The following NPAS1 variants were observed in gnomAD, a reference collection of about 807,000 sequenced individuals.
The protein encoded by NPAS1 is neuronal PAS domain protein 1.
In NPAS1, 29 loss-of-function variants were observed where a neutral mutation model predicts 49.2. The observed-to-expected ratio is 0.59, with a 90% CI of 0.44 to 0.80. The LOEUF (loss-of-function observed/expected upper bound fraction) is 0.80. Among genes scored for constraint, NPAS1 ranks in the 30% least tolerant of loss-of-function variants. The pLI is 0.00. For missense variants in NPAS1, 825 were observed against 835.5 expected (o/e 0.99, Z 0.15); for synonymous variants, 408 against 380.4 (o/e 1.07, Z -0.84).
Position 47,042,846 on chromosome 19 carries a change from C to A in NPAS1, c.1254C>A (p.Phe418Leu). 10 of 1,606,498 alleles carry A rather than the reference C, an allele frequency of 6.2e-6. No homozygotes were observed. Among genetic ancestry groups the A allele is most frequent in the Non-Finnish European group, 8.5e-6 (10 of 1,176,694 alleles). ...AEGGQTPLDA[F>L]QLPASVACEE... ...GTGGCCAAACTCCTTTGGATGCCTT[C>A]CAGCTTCCAGCCAGCGTGGCCTGTG... Residue 418 changes from phenylalanine to leucine, a missense_variant, in exon 11 of 12, where the codon TTC (phenylalanine) becomes TTA (leucine). Transcript: ENST00000602212.
At position 47,021,618 on chromosome 19, in the gene NPAS1, G is replaced by T. The variant is rs779706839; in HGVS notation, c.129G>T (p.Gln43His). Residue 43 changes from glutamine (Q) to histidine (H), a missense_variant, in exon 3 of 12, where the codon CAG becomes CAT. Physicochemically the swap from Gln to His is conservative, Grantham distance 24 (BLOSUM62 0). Coordinates refer to ENST00000602212, the MANE Select transcript of NPAS1 (RefSeq NM_002517.4). This position sits in a 1 kb window ranked among gnomAD's most constrained non-coding sequence, Gnocchi z 5.7. ...MVKAPSGPCLQAQRKEKSRNA... is the reference protein window; with the variant it reads ...MVKAPSGPCLHAQRKEKSRNA... ...CTCCGCGCCGCCCGCCCAGCCTGCA[G>T]GCGCAGCGCAAGGAGAAGTCCCGGA... is the stretch of plus-strand genomic sequence containing the variant. 2 of 1,508,518 alleles carry T rather than the reference G, an allele frequency of 1.3e-6. No individual in the cohort carries two copies. Among genetic ancestry groups the T allele is most frequent in the Admixed American group, 2.1e-5 (1 of 48,160 alleles). 93.4% of individuals were successfully genotyped at this position (1,508,518 alleles called of 1,614,324 possible). A position where few individuals can be genotyped will look rare whatever the true frequency, so the allele number is the denominator to read the frequency against.
chr19:47,039,597 G>A (rs752521604), intron 8 of NPAS1, 33 bp downstream of exon 8: 1 of 1,533,072 alleles, frequency 6.5e-7, no homozygotes, highest in Non-Finnish European at 8.8e-7. Context: ...CGGGTGGATT[G>A]GGGGCACAAT....
At chr19:47,039,611 G>A (rs753813657) in intron 8 of NPAS1, 47 bp downstream of exon 8, 2 of 1,520,854 alleles carry the variant, frequency 1.3e-6, no homozygotes, top group East Asian at 4.6e-5. Flanking sequence ...GCACAATGGA[G>A]ATCTGGGGGT....
At position 47,045,543 on chromosome 19, in the gene NPAS1, C is replaced by T. The variant is rs770575932; in HGVS notation, c.1665C>T (p.His555=). The part of the protein sequence containing the change: ...GPAELGLVYP[H]LQRLGPGPAL... ...CGGAGCTGGGCCTGGTGTACCCGCA[C>T]CTGCAGAGGCTGGGTCCGGGCCCCG... The change falls in exon 12 of 12, where the codon CAC becomes CAT. Residue 555 remains histidine, a synonymous_variant. Coordinates refer to ENST00000602212, the MANE Select transcript of NPAS1 (RefSeq NM_002517.4). 1.0e-5 allele frequency: 16 copies of T among 1,526,522 alleles called. No homozygotes were observed. Among genetic ancestry groups the T allele is most frequent in the Admixed American group, 4.1e-5 (2 of 48,880 alleles). 94.6% of individuals were successfully genotyped at this position (1,526,522 alleles called of 1,614,324 possible).
In NPAS1 at chr19:47,021,650, C is replaced by T. The variant is rs1365134584; in HGVS notation, c.161C>T (p.Ala54Val). Residue 54 changes from alanine (A) to valine (V), a missense_variant, in exon 3 of 12, where the codon GCG becomes GTG. Transcript: ENST00000602212. The surrounding 1 kb of genome is among the most constrained non-coding windows in gnomAD (Gnocchi z 5.7). ...CGCAAGGAGAAGTCCCGGAACGCGG[C>T]GCGCTCGCGGCGCGGGAAGGAGAAC... ...AQRKEKSRNAARSRRGKENLE... is the reference protein window; with the variant it reads ...AQRKEKSRNAVRSRRGKENLE... The T allele has an allele frequency of 2.6e-6, 4 of 1,552,340 alleles. No individual in the cohort carries two copies. The highest frequency in any genetic ancestry group is 2.5e-5 in the East Asian group (1 of 40,584).
chr19:47,030,273 CG>C (rs2056897243), intron 3 of NPAS1, among the ~76,000 whole-genome samples: 1 of 152,180 alleles, frequency 6.6e-6, no homozygotes, highest in Non-Finnish European at 1.5e-5. Flanking sequence ...CCACCCGCCT[CG>C]GCCTCCCAAA....
At chr19:47,033,975 TAAAAAAAAAAAAAAA>T (rs532811476) in intron 5 of NPAS1, among the ~76,000 whole-genome samples, 22 of 100,836 alleles carry the variant, frequency 2.2e-4, no homozygotes, top group South Asian at 9.3e-4. Flanking sequence ...GGCTATGCCT[TAAAAAAAAAAAAAAA>T]AAAAAAAAAA....
chr19:47,039,900 C>A (rs568098014), intron 8 of NPAS1, among the ~76,000 whole-genome samples: 1 of 152,168 alleles, frequency 6.6e-6, no homozygotes, highest in Non-Finnish European at 1.5e-5. Context: ...TCCTGCATCC[C>A]GCAGTGGAGG....
In NPAS1 at chr19:47,032,274, C is replaced by G. The variant is rs199982781; in HGVS notation, c.359-4C>G. The G allele has an allele frequency of 6.2e-7, 1 of 1,613,688 alleles. No individual in the cohort carries two copies. On this transcript the variant is annotated splice_polypyrimidine_tract_variant and splice_region_variant and intron_variant, in intron 3 of 11. Coordinates refer to ENST00000602212, the MANE Select transcript of NPAS1 (RefSeq NM_002517.4). ...AACAGGCTTCATCCTTCCATCTGCCCCAGCCCCAGGCCGCCGCGGCCCCGC... is the reference window on the plus strand; with the variant it reads ...AACAGGCTTCATCCTTCCATCTGCCGCAGCCCCAGGCCGCCGCGGCCCCGC...
In NPAS1 at chr19:47,031,535, CTT is replaced by C. The variant is rs11346393; in HGVS notation, c.359-731_359-730del. 1.1e-3 allele frequency among the ~76,000 whole-genome samples: 158 copies of C among 141,768 alleles called. 1 individual carries two copies. The highest frequency in any genetic ancestry group is 1.5e-3 in the African/African-American group (56 of 38,280). The allele number at this position is 141,768 out of a possible 152,430, so 93.0% of individuals were successfully genotyped here. A position where few individuals can be genotyped will look rare whatever the true frequency, so the allele number is the denominator to read the frequency against. ...TTCTTTCTCTCTTTTTTCTTTCTTT[CTT>C]TTTTTTTTTTTGAGATGGAGTCTCG... On this transcript the variant is annotated intron_variant, in intron 3 of 11. Transcript: ENST00000602212.
chr19:47,034,807 C>T (rs568811463), intron 5 of NPAS1, among the ~76,000 whole-genome samples: 7 of 152,116 alleles, frequency 4.6e-5, no homozygotes, highest in African/African-American at 1.7e-4. Context: ...ACCCAGGAGG[C>T]AGAGGTTGCA....
intron 3 of NPAS1, among the ~76,000 whole-genome samples, chr19:47,024,809 CT>C (rs774304674): frequency 0.071 from 9,475 of 133,478 alleles, 926 homozygotes; most frequent in African/African-American, 0.24. Flanking sequence ...TTCCCTATTG[CT>C]TTTTTTTTTT....
At chr19:47,036,590 G>C (rs913419487) in intron 6 of NPAS1, among the ~76,000 whole-genome samples, 5 of 151,954 alleles carry the variant, frequency 3.3e-5, no homozygotes, top group Admixed American at 3.3e-4. Flanking sequence ...TTACAAAAAA[G>C]GCCAGGAGTG....
chr19:47,039,573 GTTGGGGGCTGTGGCGGGTGGA>G lies in NPAS1; in HGVS notation c.962+18_962+38del, dbSNP rs758599274. On this transcript the variant is annotated intron_variant, in intron 8 of 11. Transcript: ENST00000602212. ...CTTGCTTGTGAGAGCAGGTACCGGG[GTTGGGGGCTGTGGCGGGTGGA>G]TTGGGGGCACAATGGAGATCTGGGG... The G allele has an allele frequency of 1.3e-6, 2 of 1,550,808 alleles. No individual in the cohort carries two copies. Among genetic ancestry groups the G allele is most frequent in the South Asian group, 1.2e-5 (1 of 81,888 alleles).
intron 3 of NPAS1, among the ~76,000 whole-genome samples, chr19:47,023,166 C>A (rs912424979): frequency 6.6e-6 from 1 of 152,124 alleles, no homozygotes; most frequent in Non-Finnish European, 1.5e-5. Flanking sequence ...TTGACTGGCG[C>A]GGAGAGAATG....
chr19:47,021,512 C>A lies in NPAS1; in HGVS notation c.123-100C>A. 2 of 782,968 alleles carry A rather than the reference C, an allele frequency of 2.6e-6. No individual in the cohort carries two copies. Among genetic ancestry groups the A allele is most frequent in the African/African-American group, 1.9e-5 (1 of 53,976 alleles). The allele number at this position is 782,968 out of a possible 1,614,324, so 48.5% of individuals were successfully genotyped here. On this transcript the variant is annotated intron_variant, in intron 2 of 11. Transcript: ENST00000602212. The surrounding 1 kb of genome is among the most constrained non-coding windows in gnomAD (Gnocchi z 5.7). ...GATGTGGAATCCACTCCCAACGTCC[C>A]GTCCCGTTCCCAAGGCCCCGGGAGG...
chr19:47,037,962 A>C (rs896179310), intron 6 of NPAS1, among the ~76,000 whole-genome samples: 9 of 152,076 alleles, frequency 5.9e-5, no homozygotes, highest in African/African-American at 2.2e-4. Context: ...CTCCAGCCCC[A>C]CCCACCTGGG....
In NPAS1 at chr19:47,021,743, C is replaced by T; in HGVS notation, c.254C>T (p.Ala85Val). 1 of 1,546,234 alleles carries T rather than the reference C, an allele frequency of 6.5e-7. No individual in the cohort carries two copies. Among genetic ancestry groups the T allele is most frequent in the Non-Finnish European group, 8.7e-7 (1 of 1,146,094 alleles). ...GCCATCTCCAGCCAGCTGGACAAGG[C>T]TTCCATCGTGCGCCTCAGCGTCACC... ...PGAISSQLDK[A>V]SIVRLSVTYL... Residue 85 changes from alanine to valine, a missense_variant, in exon 3 of 12, where the codon GCT (alanine) becomes GTT (valine). Physicochemically the swap from Ala to Val is moderately conservative, Grantham distance 64. Coordinates refer to ENST00000602212, the MANE Select transcript of NPAS1 (RefSeq NM_002517.4). The surrounding 1 kb of genome is among the most constrained non-coding windows in gnomAD (Gnocchi z 5.7).
In NPAS1 at chr19:47,040,537, G is replaced by A. The variant is rs1161295262; in HGVS notation, c.1056G>A (p.Gln352=). The A allele has an allele frequency of 5.0e-6, 8 of 1,585,804 alleles. No homozygotes were observed. Among genetic ancestry groups the A allele is most frequent in the Non-Finnish European group, 6.9e-6 (8 of 1,166,470 alleles). ...VHGQDATRIR[Q]SHVDLLDKGQ... ...GACAGGACGCCACGAGGATCCGCCA[G>A]AGCCACGTGGACTGTGAGACCCACC... Residue 352 remains glutamine, a synonymous_variant, in exon 9 of 12, where the codon CAG becomes CAA. Coordinates refer to ENST00000602212, the MANE Select transcript of NPAS1 (RefSeq NM_002517.4).
Sources: allele counts gnomAD v4.1 joint callset (sites outside exome capture counted in the v4.1 genomes callset), GRCh38; gene constraint gnomAD v4.1.1; non-coding constraint Gnocchi (gnomAD v3.1); transcripts MANE v1.5; gene names NCBI Gene and HGNC (gene_info 2026-07-23, HGNC 2026-07-21).